PRMT7: variants seen among roughly 807,000 people sequenced by gnomAD.
PRMT7 encodes the protein protein arginine N-methyltransferase 7.
In PRMT7, 75 loss-of-function variants were observed where a neutral mutation model predicts 85.4. The observed-to-expected ratio is 0.88, with a 90% CI of 0.73 to 1.06. The LOEUF is 1.06. PRMT7 is among the 50% of genes least tolerant of loss of function. The pLI is 0.00. For synonymous variants in PRMT7, 397 were observed against 359.5 expected (o/e 1.10, Z -1.18); for missense variants, 868 against 915.2 (o/e 0.95, Z 0.67).
rs752006786 is a variant in PRMT7, at chr16:68,337,565, C to T, written c.498C>T (p.Leu166=). 6.9e-6 allele frequency: 11 copies of T among 1,603,178 alleles called. No individual in the cohort carries two copies. Among genetic ancestry groups the T allele is most frequent in the Admixed American group, 1.7e-5 (1 of 58,740 alleles). The stretch of plus-strand genomic sequence containing the variant: ...CCTATGAGCACGCACACAGGCATCT[C>T]GTGGAGGTAGTAGACGGAGGGCTCC... ...LPSYEHAHRH[L]VEENCEAVPH... is the part of the protein sequence containing the mutation. Residue 166 remains leucine, a synonymous_variant, in exon 7 of 19, where the codon CTC becomes CTT. Coordinates refer to ENST00000441236, the MANE Select transcript of PRMT7 (RefSeq NM_019023.5).
intron 3 of PRMT7, 136 bp from the exon 4 acceptor site, chr16:68,321,284 AATAAAG>A: frequency 4.9e-6 from 3 of 608,070 alleles, no homozygotes; most frequent in East Asian, 3.2e-5. Flanking sequence ...AAAAAAAATA[AATAAAG>A]ATAAAAGACA....
chr16:68,334,697 C>T (rs1246409478), intron 6 of PRMT7, among the ~76,000 whole-genome samples: 1 of 152,168 alleles, frequency 6.6e-6, no homozygotes, highest in African/African-American at 2.4e-5. Flanking sequence ...CAGACTCCCC[C>T]ACCCCGTGCC....
In PRMT7 at chr16:68,315,896, G is replaced by A. The variant is rs963987735; in HGVS notation, c.-83-1G>A. Reference sequence around the variant, plus strand: ...CTCCTGTTTCCTTCTGATGTTAATAGATTTCTGACAGTCAGACTTGTCCAC... The same window carrying A: ...CTCCTGTTTCCTTCTGATGTTAATAAATTTCTGACAGTCAGACTTGTCCAC... On this transcript the variant is annotated splice_acceptor_variant, in intron 2 of 18. Coordinates refer to ENST00000441236, the MANE Select transcript of PRMT7 (RefSeq NM_019023.5). LOFTEE classifies it low-confidence loss of function (5UTR_SPLICE). 32 of 1,122,392 alleles carry A rather than the reference G, an allele frequency of 2.9e-5. 1 individual carries two copies. The highest frequency in any genetic ancestry group is 1.8e-4 in the South Asian group (14 of 77,440). 69.5% of individuals were successfully genotyped at this position (1,122,392 alleles called of 1,614,324 possible). A position where few individuals can be genotyped will look rare whatever the true frequency, so the allele number is the denominator to read the frequency against.
chr16:68,346,340 A>C (rs1159882635), intron 11 of PRMT7, 60 bp downstream of exon 11: 10 of 1,605,098 alleles, frequency 6.2e-6, no homozygotes, highest in Non-Finnish European at 7.7e-6. Flanking sequence ...TTGTCCCATG[A>C]ACCCCAGCAC....
intron 14 of PRMT7, chr16:68,351,994 C>T (rs77479741): frequency 0.015 from 5,896 of 401,564 alleles, 282 homozygotes; most frequent in African/African-American, 0.11. Flanking sequence ...GCACGGGACT[C>T]ATGTCTGGTT....
intron 9 of PRMT7, among the ~76,000 whole-genome samples, chr16:68,344,066 C>A (rs759116311): frequency 3.9e-5 from 6 of 152,234 alleles, no homozygotes; most frequent in Non-Finnish European, 8.8e-5. Flanking sequence ...CTCCTGGGCA[C>A]AAGCGATCCT....
chr16:68,324,726 T>G lies in PRMT7; in HGVS notation c.176T>G (p.Val59Gly). The G allele has an allele frequency of 6.2e-7, 1 of 1,614,178 alleles. No individual in the cohort carries two copies. The highest frequency in any genetic ancestry group is 8.5e-7 in the Non-Finnish European group (1 of 1,180,024). Residue 59 changes from valine to glycine, a missense_variant, in exon 5 of 19, where the codon GTG becomes GGG. Transcript: ENST00000441236. Reference protein sequence around the residue: ...YQGIRAAVSRVKDRGQKALVL... With the variant: ...YQGIRAAVSRGKDRGQKALVL... ...GGTATCCGGGCTGCCGTGAGCAGGGTGAAGGACAGAGGACAGAAGGCCTTG... is the reference window on the plus strand; with the variant it reads ...GGTATCCGGGCTGCCGTGAGCAGGGGGAAGGACAGAGGACAGAAGGCCTTG...
At chr16:68,319,035 A>G (rs543396584) in intron 3 of PRMT7, 1 of 152,398 alleles carries the variant, frequency 6.6e-6, no homozygotes, top group Admixed American at 6.5e-5. Context: ...AGAAGATTCA[A>G]GAAGCACCAA....
intron 10 of PRMT7, 93 bp downstream of exon 10, chr16:68,345,895 ATT>A: frequency 6.5e-7 from 1 of 1,550,212 alleles, no homozygotes; most frequent in East Asian, 2.3e-5. Flanking sequence ...CAGTGGGTTG[ATT>A]TGTGTCTGGA....
chr16:68,324,747 C>T lies in PRMT7; in HGVS notation c.197C>T (p.Ala66Val). 1.9e-6 allele frequency: 3 copies of T among 1,613,946 alleles called. No individual in the cohort carries two copies. The highest frequency in any genetic ancestry group is 2.5e-6 in the Non-Finnish European group (3 of 1,179,964). Reference protein sequence around the residue: ...VSRVKDRGQKALVLDIGTGTG... With the variant: ...VSRVKDRGQKVLVLDIGTGTG... Reference sequence around the variant, plus strand: ...AGGGTGAAGGACAGAGGACAGAAGGCCTTGGTTCTCGACATTGGCACTGGC... The same window carrying T: ...AGGGTGAAGGACAGAGGACAGAAGGTCTTGGTTCTCGACATTGGCACTGGC... Residue 66 changes from alanine (A) to valine (V), a missense_variant, in exon 5 of 19, where the codon GCC becomes GTC. Coordinates refer to ENST00000441236, the MANE Select transcript of PRMT7 (RefSeq NM_019023.5).
chr16:68,347,748 G>A (rs1395387562), intron 13 of PRMT7, 70 bp downstream of exon 13: 3 of 1,443,390 alleles, frequency 2.1e-6, no homozygotes, highest in Non-Finnish European at 2.9e-6. Flanking sequence ...CTTTGAAGTG[G>A]CATTGGCCCC....
chr16:68,330,361 A>G (rs1027008270), intron 6 of PRMT7, among the ~76,000 whole-genome samples: 2 of 152,048 alleles, frequency 1.3e-5, no homozygotes, highest in Admixed American at 6.6e-5. Flanking sequence ...GGGTCTTACT[A>G]TGTTGCCCAG....
rs1228035933 is a variant in PRMT7, at chr16:68,357,399, C to T, written c.*175C>T. On this transcript the variant is annotated 3_prime_UTR_variant, in exon 19 of 19. Transcript: ENST00000441236. Reference sequence around the variant, plus strand: ...TCTTTGCACTGCTGGCCTCTGGCTCCAGCTGTGGCAGGAAGCATGAGAGGG... The same window carrying T: ...TCTTTGCACTGCTGGCCTCTGGCTCTAGCTGTGGCAGGAAGCATGAGAGGG... The T allele has an allele frequency of 9.2e-5, 62 of 673,846 alleles. 1 individual carries two copies. Among genetic ancestry groups the T allele is most frequent in the Non-Finnish European group, 2.4e-6 (1 of 421,276 alleles). 41.7% of individuals were successfully genotyped at this position (673,846 alleles called of 1,614,324 possible).
intron 4 of PRMT7, among the ~76,000 whole-genome samples, chr16:68,323,087 T>G (rs1279164606): frequency 6.6e-6 from 1 of 152,168 alleles, no homozygotes; most frequent in Non-Finnish European, 1.5e-5. Flanking sequence ...TGATTGTATC[T>G]AAGACATAAA....
rs1392484799 is a variant in PRMT7 at position 68,332,832 on chromosome 16, G to C, written c.391+3658G>C. On this transcript the variant is annotated intron_variant, in intron 6 of 18. Coordinates refer to ENST00000441236, the MANE Select transcript of PRMT7 (RefSeq NM_019023.5). ...TGGCTGATAGCCAGAGCAGGGTAAG[G>C]GTTACTTGGTTTGTTTCCCTTCTTA... Among the ~76,000 whole-genome samples the C allele has an allele frequency of 3.3e-5, 5 of 152,116 alleles. No individual in the cohort carries two copies. In the East Asian group the frequency reaches 9.6e-4, roughly 29 times the overall value.
intron 5 of PRMT7, among the ~76,000 whole-genome samples, chr16:68,325,041 A>G (rs2082942560): frequency 6.6e-6 from 1 of 152,240 alleles, no homozygotes; most frequent in African/African-American, 2.4e-5. Context: ...TAGGCTGCAC[A>G]TCAGAATCAC....
chr16:68,353,532 G>A lies in PRMT7; in HGVS notation c.1616G>A (p.Gly539Asp). ...CGGAGCCCCTGTGGTGACTGCGAAG[G>A]CTTCGACGTGCACATCATGGACGAC... Reference protein sequence around the residue: ...RIRSPCGDCEGFDVHIMDDMI... With the variant: ...RIRSPCGDCEDFDVHIMDDMI... Residue 539 changes from glycine (G) to aspartate (D), a missense_variant, in exon 16 of 19, where the codon GGC (glycine) becomes GAC (aspartate). By Grantham distance (94) the Gly-to-Asp change is moderately conservative. Transcript: ENST00000441236. The A allele has an allele frequency of 6.2e-7, 1 of 1,603,318 alleles. No individual in the cohort carries two copies. Among genetic ancestry groups the A allele is most frequent in the Non-Finnish European group, 8.5e-7 (1 of 1,175,226 alleles).
intron 5 of PRMT7, among the ~76,000 whole-genome samples, chr16:68,327,686 GCCTGTAAT>G (rs1275946414): frequency 6.6e-6 from 1 of 152,120 alleles, no homozygotes; most frequent in African/African-American, 2.4e-5. Flanking sequence ...GGTGGCTCAC[GCCTGTAAT>G]CCCAGCACTT....
chr16:68,317,785 C>T (rs557684016), intron 3 of PRMT7, among the ~76,000 whole-genome samples: 4 of 151,488 alleles, frequency 2.6e-5, no homozygotes, highest in East Asian at 1.9e-4. Flanking sequence ...GAGCCGAGAT[C>T]GTGCCATTGC....
Sources: gnomAD v4.1 joint callset for allele counts (sites outside exome capture counted in the v4.1 genomes callset) on GRCh38, gnomAD v4.1.1 for gene constraint, MANE v1.5 for transcripts, NCBI Gene and HGNC (gene_info 2026-07-23, HGNC 2026-07-21) for gene names.